Variants in UGT3A1 observed in about 807,000 individuals in gnomAD.
The protein encoded by UGT3A1 is UDP-glycosyltransferase 3A1.
Under a neutral mutation model 37.6 loss-of-function variants are expected in UGT3A1, and 40 were observed. The ratio of observed to expected loss-of-function variants is 1.06; its 90% CI spans 0.83 to 1.38. The LOEUF is 1.38. Ranked by LOEUF, UGT3A1 falls within the 40% of genes most tolerant of loss-of-function variation. The pLI, the probability that UGT3A1 is intolerant of heterozygous loss-of-function variation, is 0.00. For missense variants in UGT3A1, 642 were observed against 634.2 expected, an observed-to-expected ratio of 1.01 and a Z score of -0.13; for synonymous variants, 256 against 232.3, an observed-to-expected ratio of 1.10 and a Z score of -0.93.
intron 2 of UGT3A1, among the ~76,000 whole-genome samples, chr5:35,970,765 A>G (rs889291399): frequency 1.3e-5 from 2 of 152,228 alleles, no homozygotes; most frequent in Admixed American, 1.3e-4. Flanking sequence ...TACGGATTAA[A>G]TTCCATTATG....
rs188255814 is a variant in UGT3A1, at chr5:35,969,110, A to G, written c.197-977T>C. On this transcript the variant is annotated intron_variant, in intron 2 of 6. Coordinates refer to ENST00000274278, the MANE Select transcript of UGT3A1 (RefSeq NM_152404.4). ...TCACCTCCCACACACACACCATTGT[A>G]AAGAGCACTCAGGGTTAAGACTGAC... Among the ~76,000 whole-genome samples the G allele has an allele frequency of 3.2e-4, 49 of 152,298 alleles. 1 individual carries two copies. In the South Asian group the frequency reaches 8.1e-3, roughly 25 times the overall value.
chr5:35,967,099 T>C (rs558556236), intron 3 of UGT3A1, among the ~76,000 whole-genome samples: 2 of 152,268 alleles, frequency 1.3e-5, no homozygotes, highest in South Asian at 4.2e-4. Context: ...TTAGAAAATA[T>C]TTAACATGTA....
At chr5:35,959,468 C>T (rs950186300) in intron 4 of UGT3A1, among the ~76,000 whole-genome samples, 3 of 151,950 alleles carry the variant, frequency 2.0e-5, no homozygotes, top group Non-Finnish European at 4.4e-5. Context: ...ACAAGAAAAA[C>T]AATATGTAAA....
chr5:35,965,429 T>C lies in UGT3A1; in HGVS notation c.800A>G (p.Tyr267Cys). 1 of 1,614,140 alleles carries C rather than the reference T, an allele frequency of 6.2e-7. No individual in the cohort carries two copies. ...FARPLLPNTV[Y>C]IGGLMEKPIK... ...AGGTTTTTCCATCAAGCCTCCAATATAAACAGTGTTGGGAAGCAGGGGCCG... is the reference window on the plus strand; with the variant it reads ...AGGTTTTTCCATCAAGCCTCCAATACAAACAGTGTTGGGAAGCAGGGGCCG... The change falls in exon 4 of 7, where the codon TAT becomes TGT. Residue 267 changes from tyrosine (Y) to cysteine (C), a missense_variant. Coordinates refer to ENST00000274278, the MANE Select transcript of UGT3A1 (RefSeq NM_152404.4).
chr5:35,961,927 G>T (rs529999641), intron 4 of UGT3A1: 13 of 152,300 alleles, frequency 8.5e-5, no homozygotes, highest in Admixed American at 7.2e-4. Flanking sequence ...GTCTATCATA[G>T]ATAGCTTGCT....
chr5:35,988,392 T>G, intron 2 of UGT3A1, 58 bp downstream of exon 2: 1 of 1,282,528 alleles, frequency 7.8e-7, no homozygotes, highest in East Asian at 2.5e-5. Context: ...ATAAAAAATA[T>G]ATTATCACTT....
chr5:35,965,392 T>C lies in UGT3A1; in HGVS notation c.837A>G (p.Val279=), dbSNP rs376471246. The C allele has an allele frequency of 9.3e-6, 15 of 1,613,696 alleles. No individual in the cohort carries two copies. Among genetic ancestry groups the C allele is most frequent in the Non-Finnish European group, 1.3e-5 (15 of 1,179,698 alleles). The change falls in exon 4 of 7, where the codon GTA becomes GTG. Residue 279 remains valine (V), a synonymous_variant. Transcript: ENST00000274278. ...GGLMEKPIKP[V]PQDLDNFIAN... ...ATGCTGAGGGTTCACTTACTTGTGG[T>C]ACTGGTTTAATAGGTTTTTCCATCA... is the stretch of plus-strand genomic sequence containing the variant.
At chr5:35,956,142 C>T (rs1286383985) in intron 5 of UGT3A1, among the ~76,000 whole-genome samples, 1 of 152,222 alleles carries the variant, frequency 6.6e-6, no homozygotes, top group Non-Finnish European at 1.5e-5. Context: ...ATTTCTCCAT[C>T]CATGCAGCCA....
chr5:35,973,309 A>G (rs1217542501), intron 2 of UGT3A1, among the ~76,000 whole-genome samples: 2 of 152,178 alleles, frequency 1.3e-5, no homozygotes, highest in African/African-American at 4.8e-5. Context: ...TTCACTATAC[A>G]CCAAAAGAAC....
In UGT3A1 at chr5:35,952,895, T is replaced by C. The variant is rs1457495368; in HGVS notation, c.*1307A>G. The C allele has an allele frequency of 1.3e-5, 2 of 152,216 alleles. No individual in the cohort carries two copies. The highest frequency in any genetic ancestry group is 2.9e-5 in the Non-Finnish European group (2 of 68,048). 9.4% of individuals were successfully genotyped at this position (152,216 alleles called of 1,614,324 possible). On this transcript the variant is annotated 3_prime_UTR_variant, in exon 7 of 7. Coordinates refer to ENST00000274278, the MANE Select transcript of UGT3A1 (RefSeq NM_152404.4). ...GCAGACTCGCAAGCAAATCCTTTCA[T>C]GGAATTGGCAAAGTTTTTGGTGGGG...
intron 5 of UGT3A1, among the ~76,000 whole-genome samples, chr5:35,956,833 T>C (rs1167792644): frequency 6.6e-6 from 1 of 152,202 alleles, no homozygotes; most frequent in Non-Finnish European, 1.5e-5. Flanking sequence ...CTCCCAGATA[T>C]ATGCTCTTGG....
chr5:35,995,573 C>G (rs990453151), upstream of UGT3A1, among the ~76,000 whole-genome samples: 1 of 152,160 alleles, frequency 6.6e-6, no homozygotes, highest in Admixed American at 6.5e-5. Flanking sequence ...ATGTTGGTCT[C>G]AGAAGCTAAA....
upstream of UGT3A1, among the ~76,000 whole-genome samples, chr5:35,992,404 AG>A (rs1740979383): frequency 6.6e-6 from 1 of 152,102 alleles, no homozygotes; most frequent in African/African-American, 2.4e-5. Context: ...GAAAGGGAGA[AG>A]GGGAAAGAGA....
At chr5:35,999,253 A>AT (rs1434463088) in intron 1 of UGT3A1, among the ~76,000 whole-genome samples, 1 of 150,926 alleles carries the variant, frequency 6.6e-6, no homozygotes, top group Non-Finnish European at 1.5e-5. Context: ...AAAAAAAAAA[A>AT]TGTACAATAA....
intron 3 of UGT3A1, 73 bp from the exon 4 acceptor site, chr5:35,965,990 C>T: frequency 1.7e-6 from 2 of 1,185,400 alleles, no homozygotes; most frequent in Non-Finnish European, 1.1e-6. Context: ...ATGTTAGACT[C>T]AAAAAAATAT....
At chr5:35,976,500 T>C (rs147034687) in intron 2 of UGT3A1, among the ~76,000 whole-genome samples, 2 of 152,232 alleles carry the variant, frequency 1.3e-5, no homozygotes, top group Non-Finnish European at 2.9e-5. Context: ...TTTTAAAAAG[T>C]TAAACAATAT....
At chr5:35,994,881 T>G (rs796897752), upstream of UGT3A1, among the ~76,000 whole-genome samples, 1 of 152,166 alleles carries the variant, frequency 6.6e-6, no homozygotes, top group South Asian at 2.1e-4. Context: ...CAAATAGTCA[T>G]GCAAATATTT....
Position 35,957,173 on chromosome 5 carries a change from C to T in UGT3A1, c.1075+15G>A, listed in dbSNP as rs771023082. ...GGTCAATGGAAAGAGAAGAGCAGAC[C>T]TAAGCAGTCCTTACCCAGGAGGTCA... On this transcript the variant is annotated intron_variant, in intron 5 of 6. Coordinates refer to ENST00000274278, the MANE Select transcript of UGT3A1 (RefSeq NM_152404.4). 6.2e-7 allele frequency: 1 copy of T among 1,610,494 alleles called. No homozygotes were observed. The highest frequency in any genetic ancestry group is 8.5e-7 in the Non-Finnish European group (1 of 1,177,146).
chr5:35,974,254 G>A (rs1740168018), intron 2 of UGT3A1, among the ~76,000 whole-genome samples: 1 of 152,030 alleles, frequency 6.6e-6, no homozygotes, highest in African/African-American at 2.4e-5. Context: ...CTTGAAATTA[G>A]ACCCTAATTC....
Sources: allele counts gnomAD v4.1 joint callset (sites outside exome capture counted in the v4.1 genomes callset), GRCh38; gene constraint gnomAD v4.1.1; transcripts MANE v1.5; gene names NCBI Gene and HGNC (gene_info 2026-07-23, HGNC 2026-07-21).